The following ESCO1 variants were observed in gnomAD, a reference collection of about 807,000 sequenced individuals.
ESCO1 encodes the protein N-acetyltransferase ESCO1.
Under a neutral mutation model 83.5 loss-of-function variants are expected in ESCO1, and 33 were observed. The ratio of observed to expected loss-of-function variants is 0.40; its 90% CI spans 0.30 to 0.53. The LOEUF (loss-of-function observed/expected upper bound fraction) is 0.53, where lower values mean the gene tolerates loss of function less well. ESCO1 is among the 20% of genes least tolerant of loss of function. ESCO1 has a pLI of 0.63. For synonymous variants in ESCO1, 332 were observed against 324.3 expected (o/e 1.02, Z -0.25); for missense variants, 855 against 968.0 (o/e 0.88, Z 1.55).
At chr18:21,561,906 T>TCTTG (rs2038191123) in intron 7 of ESCO1, among the ~76,000 whole-genome samples, 2 of 148,924 alleles carry the variant, frequency 1.3e-5, no homozygotes, top group South Asian at 4.2e-4. Context: ...TGAGACAGAG[T>TCTTG]CTTGCTCTGT....
At chr18:21,553,554 A>T (rs12454421) in intron 8 of ESCO1, among the ~76,000 whole-genome samples, 149,140 of 151,524 alleles carry the variant, frequency 0.98, 73,438 homozygotes, top group East Asian at 1. Context: ...AAAAGAAGTA[A>T]ATGATTAAAA....
At chr18:21,586,925 G>T (rs1176628853) in intron 1 of ESCO1, among the ~76,000 whole-genome samples, 1 of 152,086 alleles carries the variant, frequency 6.6e-6, no homozygotes, top group African/African-American at 2.4e-5. Context: ...TCTATTTCTA[G>T]TTTGTTGAGC....
intron 8 of ESCO1, among the ~76,000 whole-genome samples, chr18:21,549,421 GT>G (rs1418321982): frequency 1.3e-5 from 2 of 148,492 alleles, no homozygotes; most frequent in South Asian, 2.1e-4. Flanking sequence ...AGACTTCCTT[GT>G]TTTTTTTTTG....
At position 21,573,743 on chromosome 18, in the gene ESCO1, T is replaced by G. The variant is rs770841630; in HGVS notation, c.1101A>C (p.Pro367=). 3 of 1,614,130 alleles carry G rather than the reference T, an allele frequency of 1.9e-6. No individual in the cohort carries two copies. Among genetic ancestry groups the G allele is most frequent in the Non-Finnish European group, 2.5e-6 (3 of 1,180,010 alleles). ...ATTTCACAGGCTTTGTTTTTCTACT[T>G]GGGAAAAAACGATTACATTGCACAT... ...NQDVQCNRFF[P]SRKTKPVKCI... is the part of the protein sequence containing the mutation. Residue 367 remains proline, a synonymous_variant, in exon 4 of 12, where the codon CCA becomes CCC. Coordinates refer to ENST00000269214, the MANE Select transcript of ESCO1 (RefSeq NM_052911.3).
intron 9 of ESCO1, among the ~76,000 whole-genome samples, chr18:21,537,357 G>A (rs2037849911): frequency 6.6e-6 from 1 of 152,116 alleles, no homozygotes; most frequent in Admixed American, 6.6e-5. Flanking sequence ...GGGCAACACA[G>A]CAGAACCCAT....
chr18:21,534,602 AG>A (rs765134157), intron 10 of ESCO1, among the ~76,000 whole-genome samples: 3 of 151,622 alleles, frequency 2.0e-5, no homozygotes, highest in Admixed American at 2.0e-4. Flanking sequence ...AGTTCAACAA[AG>A]GAAGTGGTGA....
At chr18:21,591,822 C>T (rs1229669420) in intron 1 of ESCO1, among the ~76,000 whole-genome samples, 2 of 151,946 alleles carry the variant, frequency 1.3e-5, no homozygotes, top group South Asian at 2.1e-4. Flanking sequence ...TGCGGCCTTC[C>T]GCAGTGTTTG....
chr18:21,598,279 C>T (rs530051344), intron 1 of ESCO1, among the ~76,000 whole-genome samples: 1 of 152,182 alleles, frequency 6.6e-6, no homozygotes. Flanking sequence ...TAATAAATTA[C>T]CAAGCTAAAA....
chr18:21,536,539 C>T (rs1468849367), intron 9 of ESCO1, among the ~76,000 whole-genome samples: 2 of 149,202 alleles, frequency 1.3e-5, no homozygotes, highest in African/African-American at 2.5e-5. Flanking sequence ...TGCAGTGAGC[C>T]GAGATTGCGC....
intron 8 of ESCO1, among the ~76,000 whole-genome samples, chr18:21,554,227 G>C (rs2038083551): frequency 2.0e-5 from 3 of 152,174 alleles, no homozygotes; most frequent in Admixed American, 2.0e-4. Context: ...TTGGAATAGA[G>C]TCTGGCAGTT....
chr18:21,532,974 C>G (rs997448615), intron 10 of ESCO1, among the ~76,000 whole-genome samples: 1 of 151,952 alleles, frequency 6.6e-6, no homozygotes, highest in Admixed American at 6.6e-5. Flanking sequence ...CATGAGGAGC[C>G]CCCCCAATAG....
At chr18:21,545,936 C>CA (rs946316257) in intron 8 of ESCO1, among the ~76,000 whole-genome samples, 53 of 151,332 alleles carry the variant, frequency 3.5e-4, no homozygotes, top group Middle Eastern at 3.4e-3. Context: ...ATCTCAAAAA[C>CA]AAAAAAAACC....
intron 2 of ESCO1, among the ~76,000 whole-genome samples, chr18:21,582,495 T>C (rs559869369): frequency 1.3e-5 from 2 of 152,308 alleles, no homozygotes; most frequent in South Asian, 4.1e-4. Context: ...CCTCTGAAAG[T>C]GCTGACATTA....
intron 2 of ESCO1, among the ~76,000 whole-genome samples, chr18:21,582,342 G>A (rs574461195): frequency 5.1e-4 from 78 of 151,740 alleles, no homozygotes; most frequent in African/African-American, 1.5e-3. Flanking sequence ...CGAGTCTCCC[G>A]CCTCAGCCTC....
intron 8 of ESCO1, among the ~76,000 whole-genome samples, chr18:21,545,923 T>A (rs767054103): frequency 2.0e-5 from 3 of 151,916 alleles, no homozygotes; most frequent in African/African-American, 7.3e-5. Flanking sequence ...AGAGCGAAAC[T>A]CCATCTCAAA....
chr18:21,599,965 G>A (rs2038818737), intron 1 of ESCO1, among the ~76,000 whole-genome samples: 1 of 152,170 alleles, frequency 6.6e-6, no homozygotes, highest in Non-Finnish European at 1.5e-5. Flanking sequence ...GGCCCTCAAT[G>A]CACTCATTTC....
At chr18:21,535,088 C>A (rs571689581) in intron 10 of ESCO1, among the ~76,000 whole-genome samples, 49 of 152,310 alleles carry the variant, frequency 3.2e-4, no homozygotes, top group Non-Finnish European at 6.5e-4. Context: ...TTTACAAAAA[C>A]AAGCTGGATT....
chr18:21,566,991 A>C (rs942367996), intron 5 of ESCO1, among the ~76,000 whole-genome samples: 6 of 152,224 alleles, frequency 3.9e-5, no homozygotes, highest in Admixed American at 1.3e-4. Flanking sequence ...AACTCAGAGA[A>C]AAAGTTAAAT....
At chr18:21,554,487 C>T (rs752813409) in intron 8 of ESCO1, among the ~76,000 whole-genome samples, 2 of 152,144 alleles carry the variant, frequency 1.3e-5, no homozygotes, top group African/African-American at 2.4e-5. Flanking sequence ...GACATGGGAG[C>T]CCAGCTCAGT....
Sources: allele counts gnomAD v4.1 joint callset (sites outside exome capture counted in the v4.1 genomes callset), GRCh38; gene constraint gnomAD v4.1.1; transcripts MANE v1.5; gene names NCBI Gene and HGNC (gene_info 2026-07-23, HGNC 2026-07-21).